ARHGAP10: variants seen among roughly 807,000 people sequenced by gnomAD.
ARHGAP10 encodes rho GTPase-activating protein 10.
A neutral mutation model predicts 108.6 loss-of-function variants in ARHGAP10; 87 were observed. The ratio of observed to expected loss-of-function variants is 0.80; its 90% CI spans 0.67 to 0.96. The LOEUF (loss-of-function observed/expected upper bound fraction) is 0.96. ARHGAP10 is among the 40% of genes least tolerant of loss of function. The pLI, the probability that ARHGAP10 is intolerant of heterozygous loss-of-function variation, is 0.00. For synonymous variants in ARHGAP10, 347 were observed against 341.1 expected (o/e 1.02, Z -0.19); for missense variants, 939 against 954.5 (o/e 0.98, Z 0.21).
At chr4:147,956,075 A>T (rs907569687) in intron 16 of ARHGAP10, among the ~76,000 whole-genome samples, 3 of 152,132 alleles carry the variant, frequency 2.0e-5, no homozygotes, top group African/African-American at 7.2e-5. Flanking sequence ...TAGTGAAGGA[A>T]ATGAAGGTTG....
At chr4:147,939,940 G>T in intron 14 of ARHGAP10, 41 bp downstream of exon 14, 1 of 1,521,392 alleles carries the variant, frequency 6.6e-7, no homozygotes, top group East Asian at 2.3e-5. Flanking sequence ...TGTTATTTGT[G>T]TATGTTCATT....
intron 1 of ARHGAP10, among the ~76,000 whole-genome samples, chr4:147,741,784 A>G (rs866280224): frequency 0.036 from 699 of 19,494 alleles, 4 homozygotes; most frequent in South Asian, 0.15. Context: ...ACACACACAC[A>G]CACACACGCA....
At chr4:147,745,778 A>G (rs1578993362) in intron 1 of ARHGAP10, among the ~76,000 whole-genome samples, 1 of 139,208 alleles carries the variant, frequency 7.2e-6, no homozygotes, top group South Asian at 2.3e-4. Flanking sequence ...GGTGTGAGCC[A>G]CTGTGCCCGG....
intron 10 of ARHGAP10, among the ~76,000 whole-genome samples, chr4:147,884,265 A>G (rs1324760308): frequency 1.3e-5 from 2 of 151,790 alleles, no homozygotes; most frequent in Non-Finnish European, 2.9e-5. Context: ...GATTGGAACC[A>G]CTCTCCACCC....
chr4:147,924,262 T>G (rs1359515807), intron 13 of ARHGAP10, among the ~76,000 whole-genome samples: 1 of 152,214 alleles, frequency 6.6e-6, no homozygotes, highest in African/African-American at 2.4e-5. Context: ...CCCCGAGTCC[T>G]TGCCTTTACC....
intron 18 of ARHGAP10, among the ~76,000 whole-genome samples, chr4:148,021,573 T>A (rs1741568542): frequency 6.6e-6 from 1 of 152,194 alleles, no homozygotes; most frequent in Non-Finnish European, 1.5e-5. Flanking sequence ...GGTGCCATTT[T>A]TTTTATTTTT....
At chr4:147,856,296 G>A (rs1157622909) in intron 4 of ARHGAP10, among the ~76,000 whole-genome samples, 1 of 152,108 alleles carries the variant, frequency 6.6e-6, no homozygotes, top group Admixed American at 6.5e-5. Flanking sequence ...TTAACCAAAG[G>A]GTGAGTACTG....
intron 6 of ARHGAP10, 44 bp from the exon 7 acceptor site, chr4:147,866,668 C>T: frequency 4.2e-6 from 6 of 1,431,846 alleles, no homozygotes; most frequent in South Asian, 3.7e-5. Flanking sequence ...TTTTTTTCTC[C>T]TGAGTTTTTT....
chr4:148,017,513 A>G (rs1741390796), intron 18 of ARHGAP10, among the ~76,000 whole-genome samples: 1 of 151,930 alleles, frequency 6.6e-6, no homozygotes, highest in South Asian at 2.1e-4. Flanking sequence ...TAGGTAAGCC[A>G]GGAAGGCCAG....
intron 1 of ARHGAP10, among the ~76,000 whole-genome samples, chr4:147,798,906 T>A (rs1731463838): frequency 6.6e-6 from 1 of 151,254 alleles, no homozygotes; most frequent in Non-Finnish European, 1.5e-5. Flanking sequence ...GAATTGGTGT[T>A]CCTTACAGAT....
At chr4:147,999,316 ATG>A (rs146087299) in intron 18 of ARHGAP10, among the ~76,000 whole-genome samples, 6 of 152,354 alleles carry the variant, frequency 3.9e-5, no homozygotes, top group Non-Finnish European at 7.4e-5. Flanking sequence ...TGAGCCATCA[ATG>A]GCTACCCTCT....
At chr4:147,780,964 C>G (rs575749290) in intron 1 of ARHGAP10, among the ~76,000 whole-genome samples, 1 of 152,076 alleles carries the variant, frequency 6.6e-6, no homozygotes, top group Non-Finnish European at 1.5e-5. Context: ...AGAGAAGACG[C>G]TCCAGAGAAT....
chr4:147,775,103 CG>C (rs1730231602), intron 1 of ARHGAP10, among the ~76,000 whole-genome samples: 1 of 151,938 alleles, frequency 6.6e-6, no homozygotes, highest in South Asian at 2.1e-4. Flanking sequence ...TTAGTAGAGA[CG>C]GGGTTTCACC....
chr4:147,942,751 C>G (rs1198604515), intron 14 of ARHGAP10, among the ~76,000 whole-genome samples: 1 of 152,214 alleles, frequency 6.6e-6, no homozygotes, highest in Non-Finnish European at 1.5e-5. Flanking sequence ...AAGGAGCAGG[C>G]AGCTGCCTTC....
chr4:147,931,719 C>T (rs1737694682), intron 13 of ARHGAP10, among the ~76,000 whole-genome samples: 1 of 152,138 alleles, frequency 6.6e-6, no homozygotes, highest in Non-Finnish European at 1.5e-5. Flanking sequence ...GGAATTCAGA[C>T]CTTTTTAATT....
At chr4:148,068,538 G>A (rs968175605) in intron 22 of ARHGAP10, among the ~76,000 whole-genome samples, 4 of 152,108 alleles carry the variant, frequency 2.6e-5, no homozygotes, top group Admixed American at 6.5e-5. Context: ...ATGACTATGC[G>A]CTTCTGACTT....
chr4:147,879,416 A>G, intron 9 of ARHGAP10, 78 bp downstream of exon 9: 1 of 1,250,732 alleles, frequency 8.0e-7, no homozygotes, highest in Non-Finnish European at 1.1e-6. Flanking sequence ...AATGGTTTAT[A>G]TTTTAATGGT....
chr4:148,013,809 G>T (rs1312117554), intron 18 of ARHGAP10, among the ~76,000 whole-genome samples: 1 of 152,194 alleles, frequency 6.6e-6, no homozygotes, highest in Non-Finnish European at 1.5e-5. Flanking sequence ...AATTCTAAAT[G>T]TATTTACTTA....
At chr4:148,002,792 A>AT in intron 18 of ARHGAP10, among the ~76,000 whole-genome samples, 1 of 151,670 alleles carries the variant, frequency 6.6e-6, no homozygotes, top group Non-Finnish European at 1.5e-5. Flanking sequence ...CATCTATTTG[A>AT]TTCTTTTCTC....
Sources: gnomAD v4.1 joint callset for allele counts (sites outside exome capture counted in the v4.1 genomes callset) on GRCh38, gnomAD v4.1.1 for gene constraint, MANE v1.5 for transcripts, NCBI Gene and HGNC (gene_info 2026-07-23, HGNC 2026-07-21) for gene names.